COG6: variants seen among roughly 807,000 people sequenced by gnomAD.
COG6 encodes the protein conserved oligomeric Golgi complex subunit 6.
COG6 carries 74 observed loss-of-function variants against 88.8 expected under a neutral mutation model. The ratio of observed to expected loss-of-function variants is 0.83; its 90% CI spans 0.69 to 1.01. The LOEUF is 1.01. COG6 is among the 50% of genes least tolerant of loss of function. The pLI is 0.00. For missense variants in COG6, 800 were observed against 797.9 expected (o/e 1.00, Z -0.03); for synonymous variants, 286 against 278.7 (o/e 1.03, Z -0.26).
intron 18 of COG6, among the ~76,000 whole-genome samples, chr13:39,785,999 G>A (rs1881762065): frequency 6.6e-6 from 1 of 152,038 alleles, no homozygotes; most frequent in African/African-American, 2.4e-5. Context: ...TCTCTATAAG[G>A]TACAGTCAGG....
chr13:39,758,715 T>A (rs1168910776), intron 18 of COG6, among the ~76,000 whole-genome samples: 2 of 152,192 alleles, frequency 1.3e-5, no homozygotes, highest in Non-Finnish European at 2.9e-5. Context: ...ACCTAGCAAT[T>A]CTATGCCTAG....
intron 18 of COG6, among the ~76,000 whole-genome samples, chr13:39,780,854 C>T (rs1017862571): frequency 3.3e-5 from 5 of 152,152 alleles, no homozygotes; most frequent in Non-Finnish European, 4.4e-5. Flanking sequence ...CGAGGAAAGG[C>T]GATGGCTCTC....
intron 18 of COG6, among the ~76,000 whole-genome samples, chr13:39,786,491 T>C (rs1278351751): frequency 1.3e-5 from 2 of 152,132 alleles, no homozygotes; most frequent in Non-Finnish European, 2.9e-5. Context: ...TTGTTAGGAC[T>C]GGACAGTTTG....
chr13:39,713,788 G>T (rs985569839), intron 13 of COG6, among the ~76,000 whole-genome samples: 19 of 152,008 alleles, frequency 1.2e-4, no homozygotes, highest in African/African-American at 4.6e-4. Context: ...TTAACCATTA[G>T]AAATGAATTT....
intron 18 of COG6, among the ~76,000 whole-genome samples, chr13:39,758,277 C>G (rs1291758367): frequency 6.6e-6 from 1 of 150,664 alleles, no homozygotes; most frequent in Non-Finnish European, 1.5e-5. Flanking sequence ...TGCCTGTGAT[C>G]CCAGCACTAG....
intron 13 of COG6, among the ~76,000 whole-genome samples, chr13:39,707,863 A>G (rs1566189225): frequency 6.6e-6 from 1 of 152,176 alleles, no homozygotes; most frequent in Non-Finnish European, 1.5e-5. Context: ...AGTCTTATAC[A>G]TGTGTTGGTG....
At chr13:39,686,653 G>C (rs540747482) in intron 8 of COG6, among the ~76,000 whole-genome samples, 1 of 152,144 alleles carries the variant, frequency 6.6e-6, no homozygotes, top group Non-Finnish European at 1.5e-5. Flanking sequence ...AGCAAATTTT[G>C]GTGATAGATT....
intron 18 of COG6, among the ~76,000 whole-genome samples, chr13:39,781,488 C>T (rs1227252598): frequency 6.8e-6 from 1 of 147,366 alleles, no homozygotes; most frequent in Non-Finnish European, 1.5e-5. Context: ...TGGAATGGAA[C>T]TATTTCATAT....
rs142124826 is a variant in COG6, at chr13:39,719,696, T to A, written c.1453T>A (p.Cys485Ser). The A allele has an allele frequency of 3.1e-5, 50 of 1,612,972 alleles. No homozygotes were observed. The African/African-American group carries it at 6.4e-4, about 21-fold the overall frequency. ...SCVLDPLLQM[C>S]TVSASNLGTA... is the part of the protein sequence containing the mutation. ...TGTCTTGGATCCTCTCCTACAGATG[T>A]GTACTGTATCAGCCAGCAATTTAGG... Residue 485 changes from cysteine to serine, a missense_variant, in exon 15 of 19, where the codon TGT becomes AGT. Coordinates refer to ENST00000455146, the MANE Select transcript of COG6 (RefSeq NM_020751.3).
At chr13:39,723,696 G>T (rs150373521) in intron 16 of COG6, among the ~76,000 whole-genome samples, 48 of 152,094 alleles carry the variant, frequency 3.2e-4, no homozygotes, top group African/African-American at 1.1e-3. Flanking sequence ...GTGCCCCACA[G>T]TATTAACAAT....
rs1471884231 is a variant in COG6 at position 39,661,009 on chromosome 13, T to C, written c.369+128T>C. On this transcript the variant is annotated intron_variant, in intron 3 of 18. Transcript: ENST00000455146. ...AATTTGGGTATAAATATAATCCTTA[T>C]TTTTAAAAATTGTAGCTATCTTTGT... 7 of 656,360 alleles carry C rather than the reference T, an allele frequency of 1.1e-5. No homozygotes were observed. The East Asian group carries it at 1.4e-4, about 13-fold the overall frequency. 40.7% of individuals were successfully genotyped at this position (656,360 alleles called of 1,614,324 possible). A position where few individuals can be genotyped will look rare whatever the true frequency, so the allele number is the denominator to read the frequency against.
At chr13:39,687,214 C>G (rs1393426282) in intron 8 of COG6, among the ~76,000 whole-genome samples, 1 of 152,126 alleles carries the variant, frequency 6.6e-6, no homozygotes, top group Non-Finnish European at 1.5e-5. Flanking sequence ...CCTACTTTTA[C>G]TAAGTCCATT....
chr13:39,699,505 A>T lies in COG6; in HGVS notation c.1171A>T (p.Ile391Phe), dbSNP rs773680493. ...TGAAATATTCTTTGCTTTTAGTGGT[A>T]TTGTTGGAAATAGTGCAACTGCATT... is the stretch of plus-strand genomic sequence containing the variant. ...LKFYHHTISGIVGNSATALLT... is the reference protein window; with the variant it reads ...LKFYHHTISGFVGNSATALLT... The change falls in exon 13 of 19, where the codon ATT (isoleucine) becomes TTT (phenylalanine). Residue 391 changes from isoleucine (I) to phenylalanine (F), a missense_variant. By Grantham distance (21) the Ile-to-Phe change is conservative. Coordinates refer to ENST00000455146, the MANE Select transcript of COG6 (RefSeq NM_020751.3). 4 of 1,497,782 alleles carry T rather than the reference A, an allele frequency of 2.7e-6. No individual in the cohort carries two copies. Among genetic ancestry groups the T allele is most frequent in the Non-Finnish European group, 3.7e-6 (4 of 1,075,410 alleles). 92.8% of individuals were successfully genotyped at this position (1,497,782 alleles called of 1,614,324 possible).
chr13:39,658,688 G>T, intron 1 of COG6, among the ~76,000 whole-genome samples: 1 of 152,078 alleles, frequency 6.6e-6, no homozygotes, highest in East Asian at 1.9e-4. Context: ...CCACTTTAGG[G>T]TCTTTGTACT....
chr13:39,751,493 C>A lies in COG6; in HGVS notation c.*400C>A. The A allele has an allele frequency of 7.9e-7, 1 of 1,267,608 alleles. No individual in the cohort carries two copies. Among genetic ancestry groups the A allele is most frequent in the Non-Finnish European group, 1.0e-6 (1 of 970,866 alleles). 78.5% of individuals were successfully genotyped at this position (1,267,608 alleles called of 1,614,324 possible). Reference sequence around the variant, plus strand: ...TAAGGATATGACCTAATAAATGTCTCCTTACCTAAAGATTCATTTGCTTTC... The same window carrying A: ...TAAGGATATGACCTAATAAATGTCTACTTACCTAAAGATTCATTTGCTTTC... On this transcript the variant is annotated 3_prime_UTR_variant, in exon 19 of 19. Transcript: ENST00000455146.
intron 13 of COG6, among the ~76,000 whole-genome samples, chr13:39,708,166 G>A (rs1159601611): frequency 2.0e-5 from 3 of 152,148 alleles, no homozygotes. Context: ...ATTGGCTGCT[G>A]GATGTACTTT....
In COG6 at chr13:39,725,375, T is replaced by G. The variant is rs1879078174; in HGVS notation, c.1746+814T>G. On this transcript the variant is annotated intron_variant, in intron 17 of 18. Coordinates refer to ENST00000455146, the MANE Select transcript of COG6 (RefSeq NM_020751.3). ...TTTAACTACTGTACTAAACTAGTGA[T>G]CCTAAGTATTTAAAATACTCACGTA... Among the ~76,000 whole-genome samples the G allele has an allele frequency of 3.3e-5, 5 of 152,006 alleles. No homozygotes were observed. In the South Asian group the frequency reaches 1.0e-3, roughly 31 times the overall value.
chr13:39,788,460 G>C (rs1881842775), exon 19 of COG6: 1 of 1,122,400 alleles, frequency 8.9e-7, no homozygotes, highest in Non-Finnish European at 1.3e-6. Flanking sequence ...TAGAAATGTG[G>C]CCAGATGGCT....
At chr13:39,724,371 T>G (rs577375460) in intron 16 of COG6, 137 bp from the exon 17 acceptor site, 1 of 661,756 alleles carries the variant, frequency 1.5e-6, no homozygotes, top group African/African-American at 1.8e-5. Flanking sequence ...AAATTACACT[T>G]GAGTTCTTTG....
Sources: gnomAD v4.1 joint callset for allele counts (sites outside exome capture counted in the v4.1 genomes callset) on GRCh38, gnomAD v4.1.1 for gene constraint, MANE v1.5 for transcripts, NCBI Gene and HGNC (gene_info 2026-07-23, HGNC 2026-07-21) for gene names.